Variants in OTC observed in about 807,000 individuals in gnomAD.
OTC encodes the protein ornithine transcarbamylase, mitochondrial.
A neutral mutation model predicts 30.3 loss-of-function variants in OTC; 3 were observed. The observed-to-expected ratio is 0.10, with a 90% CI of 0.05 to 0.26. The LOEUF is 0.26. OTC is among the 10% of genes least tolerant of loss of function. OTC has a pLI of 1.00. For synonymous variants in OTC, 111 were observed against 99.7 expected (o/e 1.11, Z -0.67); for missense variants, 194 against 260.3 (o/e 0.75, Z 1.75).
chrX:38,346,378 A>T, the OTC span, among the ~76,000 whole-genome samples: 4 of 112,430 alleles, frequency 3.6e-5, no homozygotes, highest in Non-Finnish European at 7.5e-5. Flanking sequence ...TTAACTCTGC[A>T]AAACCGCGTG....
chrX:38,342,484 T>C, the OTC span, among the ~76,000 whole-genome samples: 1 of 111,777 alleles, frequency 8.9e-6, no homozygotes, highest in Non-Finnish European at 1.9e-5. Context: ...CTAACATTTA[T>C]TGAACACTGA....
At chrX:38,372,293 G>A (rs1355001354) in intron 3 of OTC, among the ~76,000 whole-genome samples, 1 of 111,843 alleles carries the variant, frequency 8.9e-6, no homozygotes, top group Non-Finnish European at 1.9e-5. Context: ...TGGCAACTCT[G>A]TGAGAGCAAG....
At chrX:38,332,054 T>C in the OTC span, among the ~76,000 whole-genome samples, 1 of 110,148 alleles carries the variant, frequency 9.1e-6, no homozygotes, top group Admixed American at 9.7e-5. Context: ...GTCAGATCAG[T>C]GGCAGCATTA....
At chrX:38,366,010 A>C (rs993142795) in intron 1 of OTC, among the ~76,000 whole-genome samples, 2 of 111,725 alleles carry the variant, frequency 1.8e-5, no homozygotes, top group African/African-American at 6.5e-5. Flanking sequence ...CCTAATGATA[A>C]GCGGGGGTTC....
chrX:38,342,303 A>T, the OTC span, among the ~76,000 whole-genome samples: 67 of 110,867 alleles, frequency 6.0e-4, no homozygotes, highest in African/African-American at 1.7e-3. Context: ...GTGAGCCACC[A>T]TGCCCAGCCT....
the OTC span, among the ~76,000 whole-genome samples, chrX:38,346,126 G>GA: frequency 9.2e-6 from 1 of 109,282 alleles, no homozygotes; most frequent in Non-Finnish European, 1.9e-5. Context: ...ATCTTCAAAA[G>GA]AAAAAAAAGG....
At chrX:38,360,587 G>A (rs928639380) in intron 1 of OTC, among the ~76,000 whole-genome samples, 1 of 111,469 alleles carries the variant, frequency 9.0e-6, no homozygotes, top group African/African-American at 3.3e-5. Flanking sequence ...TGAGAGTTGA[G>A]GGGAGAGTGT....
At chrX:38,399,247 A>G (rs769372882) in intron 4 of OTC, among the ~76,000 whole-genome samples, 1 of 111,388 alleles carries the variant, frequency 9.0e-6, no homozygotes, top group Admixed American at 9.6e-5. Context: ...TGGGGCCTGA[A>G]ATTCTGAAGA....
chrX:38,408,429 T>C (rs1018661163), intron 6 of OTC, among the ~76,000 whole-genome samples: 10 of 112,220 alleles, frequency 8.9e-5, no homozygotes, highest in Non-Finnish European at 1.7e-4. Context: ...CTTCTGAATA[T>C]AATCCTCTTA....
upstream of OTC, among the ~76,000 whole-genome samples, chrX:38,348,381 C>T (rs1211662994): frequency 3.6e-5 from 4 of 111,094 alleles, no homozygotes; most frequent in Non-Finnish European, 5.7e-5. Context: ...CTTTGACTAC[C>T]GATTAAATTC....
intron 1 of OTC, among the ~76,000 whole-genome samples, chrX:38,364,702 G>T (rs920450256): frequency 9.1e-6 from 1 of 109,543 alleles, no homozygotes; most frequent in African/African-American, 3.3e-5. Context: ...TGAGGCACAA[G>T]AATTGCTTCA....
intron 4 of OTC, among the ~76,000 whole-genome samples, chrX:38,388,083 C>A (rs1160158414): frequency 8.9e-6 from 1 of 111,961 alleles, no homozygotes; most frequent in Admixed American, 9.5e-5. Flanking sequence ...TAGCTTTTTT[C>A]TGCATAATCA....
At chrX:38,410,293 G>T (rs143916800) in intron 8 of OTC, among the ~76,000 whole-genome samples, 1 of 111,792 alleles carries the variant, frequency 8.9e-6, no homozygotes, top group African/African-American at 3.2e-5. Flanking sequence ...AGATCCTGAG[G>T]AGAGGAATTT....
chrX:38,386,386 A>AATATAT (rs1555974125), intron 4 of OTC, among the ~76,000 whole-genome samples: 86 of 88,938 alleles, frequency 9.7e-4, no homozygotes, highest in African/African-American at 2.6e-3. Flanking sequence ...AAAAAAAAAA[A>AATATAT]ATATATATAT....
the OTC span, among the ~76,000 whole-genome samples, chrX:38,346,421 AC>A: frequency 8.9e-6 from 1 of 112,388 alleles, no homozygotes; most frequent in African/African-American, 3.2e-5. Context: ...ATAACATATA[AC>A]TACCAGATAT....
rs189621443 is a variant in OTC, at chrX:38,359,296, G to T, written c.77+6523G>T. Among the ~76,000 whole-genome samples the T allele has an allele frequency of 4.1e-3, 457 of 111,783 alleles. 4 individuals are homozygous for T. Among genetic ancestry groups the T allele is most frequent in the African/African-American group, 0.014 (439 of 30,739 alleles). On this transcript the variant is annotated intron_variant, in intron 1 of 9. Coordinates refer to ENST00000039007, the MANE Select transcript of OTC (RefSeq NM_000531.6). The stretch of plus-strand genomic sequence containing the variant: ...GCAAATACTATACCAGAGTGGTGGG[G>T]TTCTAGGGGATTTCAGCTTTAGCAA...
At chrX:38,418,124 C>T (rs1279211681) in intron 9 of OTC, among the ~76,000 whole-genome samples, 2 of 111,453 alleles carry the variant, frequency 1.8e-5, no homozygotes, top group Non-Finnish European at 3.8e-5. Context: ...GGAGATCCCC[C>T]CCTCTCTGCA....
the OTC span, among the ~76,000 whole-genome samples, chrX:38,347,326 A>G: frequency 8.9e-6 from 1 of 111,903 alleles, no homozygotes; most frequent in Non-Finnish European, 1.9e-5. Context: ...CTAAATGACT[A>G]AGATTCCTTC....
intron 9 of OTC, 125 bp downstream of exon 9, chrX:38,412,124 A>G (rs1333976550): frequency 9.3e-6 from 6 of 646,465 alleles, no homozygotes; most frequent in Non-Finnish European, 1.5e-5. Context: ...TGTAACATCT[A>G]TTTTTTTCCA....
Sources: gnomAD v4.1 joint callset for allele counts (sites outside exome capture counted in the v4.1 genomes callset) on GRCh38, gnomAD v4.1.1 for gene constraint, MANE v1.5 for transcripts, NCBI Gene and HGNC (gene_info 2026-07-23, HGNC 2026-07-21) for gene names.